GPRIN3: variants seen among roughly 807,000 people sequenced by gnomAD.
The protein encoded by GPRIN3 is G protein-regulated inducer of neurite outgrowth 3.
In GPRIN3, 12 loss-of-function variants were observed where a neutral mutation model predicts 13.7. That is an observed-to-expected ratio of 0.87 (90% confidence interval 0.56 to 1.42). The LOEUF (loss-of-function observed/expected upper bound fraction) is 1.42, where lower values mean the gene tolerates loss of function less well. Ranked by LOEUF, GPRIN3 falls within the 40% of genes most tolerant of loss-of-function variation. GPRIN3 has a pLI of 0.00. For missense variants in GPRIN3, 1,009 were observed against 958.7 expected, an observed-to-expected ratio of 1.05 and a Z score of -0.69; for synonymous variants, 377 against 372.7, an observed-to-expected ratio of 1.01 and a Z score of -0.13.
At position 89,241,359 on chromosome 4, in the gene GPRIN3, G is replaced by A. The variant is rs908852859; in HGVS notation, c.*6421C>T. On this transcript the variant is annotated 3_prime_UTR_variant, in exon 2 of 2. Coordinates refer to ENST00000609438, the MANE Select transcript of GPRIN3 (RefSeq NM_198281.3). ...AGAAATTGGCCTTTAAATGGGATAC[G>A]ACAAGTTATTTTTTTTACACATAAA... 1 of 151,950 alleles carries A rather than the reference G, an allele frequency of 6.6e-6. No individual in the cohort carries two copies. 9.4% of individuals were successfully genotyped at this position (151,950 alleles called of 1,614,324 possible).
intron 1 of GPRIN3, among the ~76,000 whole-genome samples, chr4:89,277,328 G>A (rs544707535): frequency 3.6e-4 from 55 of 152,316 alleles, no homozygotes; most frequent in Admixed American, 7.8e-4. Context: ...GGAGTGGAAT[G>A]TCCGTCCCCA....
intron 1 of GPRIN3, among the ~76,000 whole-genome samples, chr4:89,257,294 C>G (rs1578080284): frequency 1.3e-5 from 2 of 152,112 alleles, no homozygotes; most frequent in South Asian, 4.1e-4. Flanking sequence ...AAAACGAGCG[C>G]ATGGCCTGTT....
At chr4:89,280,829 T>C (rs1208416713) in intron 1 of GPRIN3, among the ~76,000 whole-genome samples, 1 of 152,104 alleles carries the variant, frequency 6.6e-6, no homozygotes, top group African/African-American at 2.4e-5. Flanking sequence ...GATGCATCTA[T>C]TAACCAAAAA....
Position 89,236,571 on chromosome 4 carries a change from C to T in GPRIN3, c.*11209G>A, listed in dbSNP as rs899166826. Reference sequence around the variant, plus strand: ...AATTTGCAAAGTGAGCATTGTTATTCTCAGTTTCCAGATGAATGCACTGAA... The same window carrying T: ...AATTTGCAAAGTGAGCATTGTTATTTTCAGTTTCCAGATGAATGCACTGAA... On this transcript the variant is annotated 3_prime_UTR_variant, in exon 2 of 2. Transcript: ENST00000609438. 1 of 152,084 alleles carries T rather than the reference C, an allele frequency of 6.6e-6. No homozygotes were observed. Among genetic ancestry groups the T allele is most frequent in the Non-Finnish European group, 1.5e-5 (1 of 68,024 alleles). 9.4% of individuals were successfully genotyped at this position (152,084 alleles called of 1,614,324 possible).
chr4:89,275,057 G>T (rs1724055981), intron 1 of GPRIN3, among the ~76,000 whole-genome samples: 1 of 152,120 alleles, frequency 6.6e-6, no homozygotes, highest in African/African-American at 2.4e-5. Flanking sequence ...CTGTGGATGT[G>T]CCCAGAAGAG....
chr4:89,286,719 C>T (rs917936900), intron 1 of GPRIN3, among the ~76,000 whole-genome samples: 6 of 152,138 alleles, frequency 3.9e-5, no homozygotes, highest in Middle Eastern at 3.2e-3. Context: ...TCTCCCATTA[C>T]ATTGAAGACA....
At chr4:89,303,409 A>G (rs1724952013) in intron 1 of GPRIN3, among the ~76,000 whole-genome samples, 1 of 152,232 alleles carries the variant, frequency 6.6e-6, no homozygotes, top group South Asian at 2.1e-4. Context: ...CAACAGTAAC[A>G]TTCAACTGAA....
At chr4:89,302,485 A>C (rs966156974) in intron 1 of GPRIN3, among the ~76,000 whole-genome samples, 4 of 152,180 alleles carry the variant, frequency 2.6e-5, no homozygotes, top group African/African-American at 9.7e-5. Context: ...ATTCAGATTC[A>C]GATTCAGATT....
chr4:89,237,579 G>T lies in GPRIN3; in HGVS notation c.*10201C>A, dbSNP rs1042189800. On this transcript the variant is annotated 3_prime_UTR_variant, in exon 2 of 2. Coordinates refer to ENST00000609438, the MANE Select transcript of GPRIN3 (RefSeq NM_198281.3). ...ACAGGCACCACACGTGAGCCGGCAA[G>T]TAGGCCCTCACCAGACACCAAATTG... is the stretch of plus-strand genomic sequence containing the variant. 3.3e-5 allele frequency: 5 copies of T among 152,160 alleles called. No homozygotes were observed. Among genetic ancestry groups the T allele is most frequent in the Admixed American group, 2.0e-4 (3 of 15,280 alleles). The allele number at this position is 152,160 out of a possible 1,614,324, so 9.4% of individuals were successfully genotyped here.
intron 1 of GPRIN3, among the ~76,000 whole-genome samples, chr4:89,286,816 G>A (rs997733629): frequency 5.9e-5 from 9 of 152,082 alleles, no homozygotes; most frequent in Non-Finnish European, 2.9e-5. Flanking sequence ...TACTTAGAAA[G>A]CAAATTATTT....
At chr4:89,299,547 C>T (rs969927916) in intron 1 of GPRIN3, among the ~76,000 whole-genome samples, 1 of 152,132 alleles carries the variant, frequency 6.6e-6, no homozygotes, top group African/African-American at 2.4e-5. Flanking sequence ...ATGAATAAAT[C>T]AACCCTGATG....
chr4:89,260,988 A>G (rs1410437022), intron 1 of GPRIN3, among the ~76,000 whole-genome samples: 6 of 152,190 alleles, frequency 3.9e-5, no homozygotes, highest in Non-Finnish European at 7.4e-5. Flanking sequence ...AACAGAATTA[A>G]AGTGTTGTAA....
In GPRIN3 at chr4:89,245,333, G is replaced by C. The variant is rs1419078371; in HGVS notation, c.*2447C>G. On this transcript the variant is annotated 3_prime_UTR_variant, in exon 2 of 2. Transcript: ENST00000609438. ...TGAAGAATTTGGTCCCAGCACCAAAGAAAATCAGTTAAACTCAGTACATTA... is the reference window on the plus strand; with the variant it reads ...TGAAGAATTTGGTCCCAGCACCAAACAAAATCAGTTAAACTCAGTACATTA... 6.6e-6 allele frequency: 1 copy of C among 152,152 alleles called. No homozygotes were observed. Among genetic ancestry groups the C allele is most frequent in the African/African-American group, 2.4e-5 (1 of 41,444 alleles). 9.4% of individuals were successfully genotyped at this position (152,152 alleles called of 1,614,324 possible). A position where few individuals can be genotyped will look rare whatever the true frequency, so the allele number is the denominator to read the frequency against.
chr4:89,297,908 G>A (rs916860191), intron 1 of GPRIN3, among the ~76,000 whole-genome samples: 3 of 152,082 alleles, frequency 2.0e-5, no homozygotes, highest in African/African-American at 4.8e-5. Context: ...AAATACACTT[G>A]TGTATCACAA....
chr4:89,284,143 C>G (rs914535759), intron 1 of GPRIN3, among the ~76,000 whole-genome samples: 1 of 152,118 alleles, frequency 6.6e-6, no homozygotes, highest in East Asian at 1.9e-4. Flanking sequence ...AGGGCCTCAG[C>G]AGGATTCTGG....
intron 1 of GPRIN3, among the ~76,000 whole-genome samples, chr4:89,287,086 T>G (rs1724443152): frequency 6.6e-6 from 1 of 152,194 alleles, no homozygotes; most frequent in Non-Finnish European, 1.5e-5. Context: ...TCAAGAACTA[T>G]TTATTGAGGC....
chr4:89,239,258 G>C lies in GPRIN3; in HGVS notation c.*8522C>G, dbSNP rs953968520. 3 of 151,764 alleles carry C rather than the reference G, an allele frequency of 2.0e-5. No individual in the cohort carries two copies. Among genetic ancestry groups the C allele is most frequent in the African/African-American group, 7.3e-5 (3 of 41,328 alleles). 9.4% of individuals were successfully genotyped at this position (151,764 alleles called of 1,614,324 possible). ...TATACCACACTTTTGATCTTTCTTAGTTGAGTATTTACACACATAAATGAT... is the reference window on the plus strand; with the variant it reads ...TATACCACACTTTTGATCTTTCTTACTTGAGTATTTACACACATAAATGAT... On this transcript the variant is annotated 3_prime_UTR_variant, in exon 2 of 2. Coordinates refer to ENST00000609438, the MANE Select transcript of GPRIN3 (RefSeq NM_198281.3).
intron 1 of GPRIN3, among the ~76,000 whole-genome samples, chr4:89,306,274 TG>T (rs1725030924): frequency 6.6e-6 from 1 of 152,022 alleles, no homozygotes; most frequent in Admixed American, 6.6e-5. Flanking sequence ...GTGAGCACAA[TG>T]GGAAAAGAAA....
At chr4:89,259,954 GCCA>G (rs1723580449) in intron 1 of GPRIN3, among the ~76,000 whole-genome samples, 1 of 152,134 alleles carries the variant, frequency 6.6e-6, no homozygotes, top group Non-Finnish European at 1.5e-5. Flanking sequence ...ACAGATGTGT[GCCA>G]CCACACCTGG....
Sources: gnomAD v4.1 joint callset for allele counts (sites outside exome capture counted in the v4.1 genomes callset) on GRCh38, gnomAD v4.1.1 for gene constraint, MANE v1.5 for transcripts, NCBI Gene and HGNC (gene_info 2026-07-23, HGNC 2026-07-21) for gene names.